Variants in TMPRSS15 observed in about 807,000 individuals in gnomAD.
The protein encoded by TMPRSS15 is transmembrane serine protease 15.
TMPRSS15 carries 128 observed loss-of-function variants against 125.3 expected under a neutral mutation model. That is an observed-to-expected ratio of 1.02 (90% CI 0.89 to 1.18). The LOEUF is 1.18. TMPRSS15 is among the 50% of genes most tolerant of loss of function. The probability of loss-of-function intolerance (pLI) is 0.00; values close to 1 mark genes in which losing one functional copy is unlikely to be tolerated. For missense variants in TMPRSS15, 1,283 were observed against 1,212.7 expected (o/e 1.06, Z -0.86); for synonymous variants, 446 against 423.2 (o/e 1.05, Z -0.66).
chr21:18,294,455 A>G lies in TMPRSS15; in HGVS notation c.2312-11T>C, dbSNP rs372216531. 7.9e-5 allele frequency: 127 copies of G among 1,614,090 alleles called. No homozygotes were observed. The highest frequency in any genetic ancestry group is 1.0e-4 in the Non-Finnish European group (123 of 1,180,014). On this transcript the variant is annotated splice_polypyrimidine_tract_variant and intron_variant, in intron 20 of 24. Transcript: ENST00000284885. Reference sequence around the variant, plus strand: ...GTTTTTTTCCACAAGCTATTAAAATAATTGGAGAAAGAGCATCTATTTCAT... The same window carrying G: ...GTTTTTTTCCACAAGCTATTAAAATGATTGGAGAAAGAGCATCTATTTCAT...
At chr21:18,327,211 C>T (rs2075301005) in intron 15 of TMPRSS15, among the ~76,000 whole-genome samples, 1 of 152,116 alleles carries the variant, frequency 6.6e-6, no homozygotes, top group South Asian at 2.1e-4. Flanking sequence ...AATTTTAAAA[C>T]AATAAATCAG....
rs3082172 is a variant in TMPRSS15 at position 18,396,808 on chromosome 21, GTCTA to G, written c.344+1067_344+1070del. Among the ~76,000 whole-genome samples, 65 of 107,882 alleles carry G rather than the reference GTCTA, an allele frequency of 6.0e-4. 2 individuals are homozygous for G. The highest frequency in any genetic ancestry group is 1.7e-3 in the African/African-American group (48 of 27,864). The allele number at this position is 107,882 out of a possible 152,430, so 70.8% of individuals were successfully genotyped here. On this transcript the variant is annotated intron_variant, in intron 3 of 24. Coordinates refer to ENST00000284885, the MANE Select transcript of TMPRSS15 (RefSeq NM_002772.3). ...AAAAAAAAAATCTGTCTGTCTGTCT[GTCTA>G]TCTATCTATCTATCTATCTATCTAT...
At chr21:18,344,182 T>C in intron 10 of TMPRSS15, 122 bp from the exon 11 acceptor site, 2 of 838,480 alleles carry the variant, frequency 2.4e-6, no homozygotes, top group Non-Finnish European at 3.9e-6. Flanking sequence ...TATATTTTAA[T>C]ATAGTGGACA....
At chr21:18,370,460 G>A (rs10854426) in intron 6 of TMPRSS15, among the ~76,000 whole-genome samples, 150,358 of 152,254 alleles carry the variant, frequency 0.99, 74,263 homozygotes, top group Middle Eastern at 1. Context: ...ATACACTATT[G>A]TTTTTGAAAC....
At chr21:18,470,826 A>C (rs577458280) in intron 1 of TMPRSS15, among the ~76,000 whole-genome samples, 1 of 152,208 alleles carries the variant, frequency 6.6e-6, no homozygotes, top group African/African-American at 2.4e-5. Context: ...AATATAGTAT[A>C]AAAAACTTTA....
At chr21:18,339,773 T>G (rs2075429124) in intron 13 of TMPRSS15, among the ~76,000 whole-genome samples, 1 of 152,180 alleles carries the variant, frequency 6.6e-6, no homozygotes, top group Admixed American at 6.5e-5. Flanking sequence ...ATCATAGGCA[T>G]TTTTCTTTTT....
chr21:18,477,773 ATGT>A (rs1476293096), intron 1 of TMPRSS15: 1 of 152,098 alleles, frequency 6.6e-6, no homozygotes, highest in Non-Finnish European at 1.5e-5. Flanking sequence ...TATATACTAT[ATGT>A]TGTTCATAAT....
At chr21:18,310,877 A>G (rs926391802) in intron 18 of TMPRSS15, among the ~76,000 whole-genome samples, 3 of 151,566 alleles carry the variant, frequency 2.0e-5, no homozygotes, top group African/African-American at 7.3e-5. Flanking sequence ...AATGGAACAG[A>G]ATAGAGAACA....
chr21:18,376,430 G>A (rs2075844221), intron 5 of TMPRSS15, among the ~76,000 whole-genome samples: 1 of 152,124 alleles, frequency 6.6e-6, no homozygotes, highest in Admixed American at 6.5e-5. Context: ...TCTCAGTCTT[G>A]AAGTAATTAA....
intron 16 of TMPRSS15, among the ~76,000 whole-genome samples, chr21:18,316,906 T>G (rs2075173210): frequency 6.6e-6 from 1 of 152,130 alleles, no homozygotes; most frequent in Non-Finnish European, 1.5e-5. Flanking sequence ...TGAGGGCCAC[T>G]TGGAATTTGG....
chr21:18,427,871 G>T (rs951449080), intron 1 of TMPRSS15, among the ~76,000 whole-genome samples: 1 of 144,996 alleles, frequency 6.9e-6, no homozygotes, highest in African/African-American at 2.6e-5. Context: ...TTCTACACAG[G>T]TAGTTAAATT....
At chr21:18,300,284 C>G (rs1414767124) in intron 18 of TMPRSS15, among the ~76,000 whole-genome samples, 1 of 119,032 alleles carries the variant, frequency 8.4e-6, no homozygotes, top group Non-Finnish European at 2.0e-5. Context: ...TTCTTTCTCT[C>G]TCTCTTTCTT....
intron 1 of TMPRSS15, among the ~76,000 whole-genome samples, chr21:18,460,176 C>A (rs1978525389): frequency 6.6e-6 from 1 of 151,984 alleles, no homozygotes; most frequent in Non-Finnish European, 1.5e-5. Flanking sequence ...TTGGATTGAA[C>A]CTCTAGAGCA....
chr21:18,481,051 A>T (rs1013503223), intron 1 of TMPRSS15, among the ~76,000 whole-genome samples: 7 of 151,886 alleles, frequency 4.6e-5, no homozygotes, highest in African/African-American at 1.4e-4. Flanking sequence ...CCAGAGGCAG[A>T]GTAATGCCTG....
intron 21 of TMPRSS15, among the ~76,000 whole-genome samples, chr21:18,285,166 C>T (rs1004415550): frequency 6.6e-6 from 1 of 152,112 alleles, no homozygotes; most frequent in African/African-American, 2.4e-5. Flanking sequence ...CCCAAAGATG[C>T]TTCTTTGAAA....
At chr21:18,337,600 T>C (rs1008639973) in intron 13 of TMPRSS15, among the ~76,000 whole-genome samples, 1 of 152,200 alleles carries the variant, frequency 6.6e-6, no homozygotes, top group Non-Finnish European at 1.5e-5. Flanking sequence ...AATGGAATAA[T>C]CTCTGTGGTT....
chr21:18,297,416 CAAGTGATTTAATTATTTAT>C (rs2074919261), intron 19 of TMPRSS15, among the ~76,000 whole-genome samples: 1 of 151,978 alleles, frequency 6.6e-6, no homozygotes, highest in Non-Finnish European at 1.5e-5. Flanking sequence ...AATTTCTTTC[CAAGTGATTTAATTATTTAT>C]TAATCTGAGG....
At chr21:18,287,439 T>C (rs2146884354) in intron 21 of TMPRSS15, among the ~76,000 whole-genome samples, 1 of 152,244 alleles carries the variant, frequency 6.6e-6, no homozygotes, top group East Asian at 1.9e-4. Flanking sequence ...AAACTCTAAA[T>C]ATTAAAATAT....
intron 8 of TMPRSS15, among the ~76,000 whole-genome samples, chr21:18,356,048 C>A (rs2075621345): frequency 6.6e-6 from 1 of 151,760 alleles, no homozygotes; most frequent in South Asian, 2.1e-4. Context: ...TTTAGACATT[C>A]CTTAAGAAAA....
Sources: allele counts gnomAD v4.1 joint callset (sites outside exome capture counted in the v4.1 genomes callset), GRCh38; gene constraint gnomAD v4.1.1; transcripts MANE v1.5; gene names NCBI Gene and HGNC (gene_info 2026-07-23, HGNC 2026-07-21).